MFSD11: variants seen among roughly 807,000 people sequenced by gnomAD.
MFSD11 encodes major facilitator superfamily domain containing 11.
A neutral mutation model predicts 53.5 loss-of-function variants in MFSD11; 36 were observed. The ratio of observed to expected loss-of-function variants is 0.67; its 90% CI spans 0.52 to 0.89. MFSD11 has a LOEUF of 0.89. MFSD11 is among the 40% of genes least tolerant of loss of function. The pLI, the probability that MFSD11 is intolerant of heterozygous loss-of-function variation, is 0.00. For missense variants in MFSD11, 530 were observed against 543.9 expected (o/e 0.97, Z 0.25); for synonymous variants, 186 against 184.9 (o/e 1.01, Z -0.05).
intron 8 of MFSD11, among the ~76,000 whole-genome samples, chr17:76,760,023 T>A (rs2080056926): frequency 6.6e-6 from 1 of 151,652 alleles, no homozygotes; most frequent in African/African-American, 2.4e-5. Context: ...ATTTCAGCAC[T>A]TTGGGAGGCT....
chr17:76,780,481 C>G (rs924780309), downstream of MFSD11, among the ~76,000 whole-genome samples: 6 of 149,714 alleles, frequency 4.0e-5, no homozygotes, highest in South Asian at 2.1e-4. Flanking sequence ...GAAGAGCTCA[C>G]TTTTGTTGTT....
intron 7 of MFSD11, 141 bp downstream of exon 7, chr17:76,744,607 G>C: frequency 1.3e-6 from 1 of 759,854 alleles, no homozygotes; most frequent in African/African-American, 1.8e-5. Flanking sequence ...AGAAAATAAA[G>C]GAGGAGCTGC....
chr17:76,741,774 T>C (rs186919290), intron 3 of MFSD11, among the ~76,000 whole-genome samples, 195 bp from the exon 4 acceptor site: 24 of 152,018 alleles, frequency 1.6e-4, no homozygotes, highest in Non-Finnish European at 3.4e-4. Flanking sequence ...GGCAATGGAG[T>C]GAGACCCTGT....
At chr17:76,766,820 CA>C (rs1193858560) in intron 8 of MFSD11, among the ~76,000 whole-genome samples, 1 of 152,172 alleles carries the variant, frequency 6.6e-6, no homozygotes, top group Non-Finnish European at 1.5e-5. Flanking sequence ...ATGCATTATC[CA>C]TTGCAGATTT....
chr17:76,751,377 G>A (rs1415695298), intron 7 of MFSD11, among the ~76,000 whole-genome samples: 9 of 150,408 alleles, frequency 6.0e-5, no homozygotes, highest in Admixed American at 5.3e-4. Flanking sequence ...GTGACAGAGC[G>A]AGACATTGTC....
rs759470927 is a variant in MFSD11, at chr17:76,767,499, A to C, written c.748+48A>C. 12 of 1,242,040 alleles carry C rather than the reference A, an allele frequency of 9.7e-6. No homozygotes were observed. The South Asian group carries it at 1.5e-4, about 16-fold the overall frequency. 76.9% of individuals were successfully genotyped at this position (1,242,040 alleles called of 1,614,324 possible). ...TTTCTCTTGCTGCATAATGACAATAAGGAGTTGAAAACGAGCCACGTTATT... is the reference window on the plus strand; with the variant it reads ...TTTCTCTTGCTGCATAATGACAATACGGAGTTGAAAACGAGCCACGTTATT... On this transcript the variant is annotated intron_variant, in intron 9 of 12. Transcript: ENST00000685175.
At chr17:76,774,234 A>T (rs1462166872) in intron 10 of MFSD11, among the ~76,000 whole-genome samples, 1 of 152,004 alleles carries the variant, frequency 6.6e-6, no homozygotes, top group African/African-American at 2.4e-5. Context: ...CCCACTTTTT[A>T]AAAAATATAT....
the MFSD11 span, among the ~76,000 whole-genome samples, chr17:76,802,132 G>T: frequency 2.6e-5 from 4 of 152,038 alleles, no homozygotes; most frequent in Admixed American, 1.3e-4. Context: ...TTAGCCAGGT[G>T]TGGTAGTGGG....
At chr17:76,749,649 T>C (rs1330167222) in intron 7 of MFSD11, among the ~76,000 whole-genome samples, 2 of 152,024 alleles carry the variant, frequency 1.3e-5, no homozygotes, top group African/African-American at 2.4e-5. Flanking sequence ...TCCAGCACTT[T>C]GGGAGGCCGA....
intron 7 of MFSD11, among the ~76,000 whole-genome samples, chr17:76,751,993 C>A (rs1212320074): frequency 3.3e-5 from 5 of 152,152 alleles, no homozygotes; most frequent in African/African-American, 1.2e-4. Flanking sequence ...GGAGGGCATT[C>A]ATGATTCTGA....
chr17:76,778,119 G>T (rs1230135692), intron 12 of MFSD11, 69 bp from the exon 13 acceptor site: 1 of 1,538,836 alleles, frequency 6.5e-7, no homozygotes, highest in African/African-American at 1.4e-5. Flanking sequence ...TAGGAGTGGG[G>T]CTAGGGGCTA....
rs1264690477 is a variant in MFSD11, at chr17:76,752,536, C to A, written c.642-1511C>A. Among the ~76,000 whole-genome samples, 3 of 151,960 alleles carry A rather than the reference C, an allele frequency of 2.0e-5. No homozygotes were observed. In the East Asian group the frequency reaches 5.8e-4, roughly 29 times the overall value. On this transcript the variant is annotated intron_variant, in intron 7 of 12. Transcript: ENST00000685175. ...GGGATTACAGGGGTGCACCACCACA[C>A]CCTGCTAAATTTTTTTGTATTTTTA...
At chr17:76,739,229 GGTAA>G (rs1289896990) in intron 2 of MFSD11, among the ~76,000 whole-genome samples, 1 of 152,160 alleles carries the variant, frequency 6.6e-6, no homozygotes, top group Non-Finnish European at 1.5e-5. Context: ...TGTTATCTTA[GGTAA>G]GTGTTTCCGT....
intron 7 of MFSD11, among the ~76,000 whole-genome samples, chr17:76,753,396 G>A (rs1236572453): frequency 1.3e-5 from 2 of 152,154 alleles, no homozygotes; most frequent in African/African-American, 2.4e-5. Context: ...GGATAGGCCG[G>A]GTGTGGTGGC....
chr17:76,788,830 G>A, the MFSD11 span, among the ~76,000 whole-genome samples: 1,185 of 147,288 alleles, frequency 8.0e-3, 83 homozygotes, highest in Non-Finnish European at 0.014. Context: ...ACGAGACTCC[G>A]TCTCAATCAA....
intron 8 of MFSD11, among the ~76,000 whole-genome samples, chr17:76,764,073 C>A (rs1350254739): frequency 6.6e-6 from 1 of 151,856 alleles, no homozygotes; most frequent in Non-Finnish European, 1.5e-5. Context: ...CCATGTTGGC[C>A]CAGCTAATCT....
upstream of MFSD11, chr17:76,737,208 C>T (rs1431151404): frequency 2.0e-6 from 3 of 1,483,500 alleles, no homozygotes; most frequent in African/African-American, 4.2e-5. Context: ...CCGGCTTCCT[C>T]AGCTCTGGGC....
At chr17:76,756,809 G>C (rs566818272) in intron 8 of MFSD11, among the ~76,000 whole-genome samples, 8 of 150,816 alleles carry the variant, frequency 5.3e-5, no homozygotes, top group African/African-American at 1.7e-4. Context: ...GCAGTGAGCC[G>C]AGATTGCGCC....
At chr17:76,801,790 GCTT>G in the MFSD11 span, among the ~76,000 whole-genome samples, 1 of 152,034 alleles carries the variant, frequency 6.6e-6, no homozygotes. Context: ...GGTTTGGCTG[GCTT>G]CTTTACTGCA....
Sources: gnomAD v4.1 joint callset for allele counts (sites outside exome capture counted in the v4.1 genomes callset) on GRCh38, gnomAD v4.1.1 for gene constraint, MANE v1.5 for transcripts, NCBI Gene and HGNC (gene_info 2026-07-23, HGNC 2026-07-21) for gene names.